Variants in NEK9 observed in about 807,000 individuals in gnomAD.
NEK9 encodes NIMA related kinase 9.
NEK9 carries 75 observed loss-of-function variants against 123.4 expected under a neutral mutation model. The ratio of observed to expected loss-of-function variants is 0.61; its 90% CI spans 0.50 to 0.74. NEK9 has a LOEUF of 0.74. NEK9 is among the 30% of genes least tolerant of loss of function. The probability of loss-of-function intolerance (pLI) is 0.00; values close to 1 mark genes in which losing one functional copy is unlikely to be tolerated. For synonymous variants in NEK9, 438 were observed against 458.7 expected, an observed-to-expected ratio of 0.95 and a Z score of 0.58; for missense variants, 952 against 1,214.4, an observed-to-expected ratio of 0.78 and a Z score of 3.21.
intron 18 of NEK9, among the ~76,000 whole-genome samples, chr14:75,094,279 T>C (rs1237049308): frequency 6.6e-6 from 1 of 152,260 alleles, no homozygotes; most frequent in Non-Finnish European, 1.5e-5. Flanking sequence ...CGATTGTTTA[T>C]GTATTTATTC....
intron 11 of NEK9, 147 bp downstream of exon 11, chr14:75,107,196 T>C: frequency 1.3e-6 from 1 of 757,632 alleles, no homozygotes; most frequent in Non-Finnish European, 2.0e-6. Context: ...AAATTTGGTA[T>C]GTTATTATTA....
In NEK9 at chr14:75,118,917, AT is replaced by A; in HGVS notation, c.542del (p.Asn181IlefsTer4). On this transcript the variant is annotated frameshift_variant, in exon 5 of 22. Coordinates refer to ENST00000238616, the MANE Select transcript of NEK9 (RefSeq NM_033116.6). LOFTEE classifies it high-confidence loss of function. Reference protein sequence around the residue: ...GILHRDIKTLNIFLTKANLIK... With the variant: ...GILHRDIKTLXIFLTKANLIK... ...TCAGGTTTGCCTTGGTCAGAAAAAT[AT>A]TTAATGTCTTTATATCTCTGAAAAA... is the stretch of plus-strand genomic sequence containing the variant. 6.3e-7 allele frequency: 1 copy of A among 1,577,212 alleles called. No homozygotes were observed. Among genetic ancestry groups the A allele is most frequent in the Non-Finnish European group, 8.7e-7 (1 of 1,147,310 alleles).
rs751656515 is a variant in NEK9, at chr14:75,101,033, C to T, written c.1961G>A (p.Arg654Lys). Residue 654 changes from arginine to lysine, a missense_variant, in exon 16 of 22, where the codon AGG becomes AAG. Arg to Lys is a conservative substitution (Grantham distance 26). Around this residue, in one of 4 missense-constraint regions of NEK9, gnomAD observed 698 missense variants for 875.6 expected, o/e 0.80. Coordinates refer to ENST00000238616, the MANE Select transcript of NEK9 (RefSeq NM_033116.6). ...GGPLGGKQVI[R>K]VSCGDEFTIA... Reference sequence around the variant, plus strand: ...GGTAAACTCATCACCGCAGGAGACCCTGATCACTTGCTTCCCACCAAGGGG... The same window carrying T: ...GGTAAACTCATCACCGCAGGAGACCTTGATCACTTGCTTCCCACCAAGGGG... 6.2e-7 allele frequency: 1 copy of T among 1,614,214 alleles called. No homozygotes were observed. Among genetic ancestry groups the T allele is most frequent in the Non-Finnish European group, 8.5e-7 (1 of 1,180,028 alleles).
intron 16 of NEK9, among the ~76,000 whole-genome samples, chr14:75,099,926 C>A (rs1391034065): frequency 6.6e-6 from 1 of 151,172 alleles, no homozygotes; most frequent in African/African-American, 2.4e-5. Flanking sequence ...GTCAGGAGTT[C>A]GAGACCAGCC....
At chr14:75,092,458 G>A (rs1294897699) in intron 18 of NEK9, among the ~76,000 whole-genome samples, 1 of 151,210 alleles carries the variant, frequency 6.6e-6, no homozygotes, top group African/African-American at 2.4e-5. Flanking sequence ...GTAAAGACAG[G>A]GTTTCACCAT....
intron 6 of NEK9, 147 bp from the exon 7 acceptor site, chr14:75,114,460 A>C (rs1258715992): frequency 1.6e-6 from 1 of 640,370 alleles, no homozygotes; most frequent in Non-Finnish European, 2.8e-6. Context: ...TATGCATCAA[A>C]AAAAAATGGT....
rs369498953 is a variant in NEK9 at position 75,091,252 on chromosome 14, T to C, written c.2442+18A>G. ...GGGCCACATATTTTATCCAAGTTAC[T>C]TCTTCCAAAGGAATTACCTTTCGAA... On this transcript the variant is annotated intron_variant, in intron 19 of 21. Coordinates refer to ENST00000238616, the MANE Select transcript of NEK9 (RefSeq NM_033116.6). 1.9e-6 allele frequency: 3 copies of C among 1,594,422 alleles called. No homozygotes were observed. Among genetic ancestry groups the C allele is most frequent in the African/African-American group, 1.4e-5 (1 of 73,834 alleles).
chr14:75,118,995 C>T (rs1017028848), intron 4 of NEK9, 60 bp from the exon 5 acceptor site: 40 of 950,042 alleles, frequency 4.2e-5, no homozygotes, highest in Middle Eastern at 2.1e-4. Context: ...TTTCATCCCC[C>T]GCCTTGCCCA....
intron 16 of NEK9, 38 bp downstream of exon 16, chr14:75,100,954 T>C (rs775837504): frequency 5.7e-6 from 9 of 1,586,530 alleles, no homozygotes; most frequent in Non-Finnish European, 7.7e-6. Context: ...AACACAGCCA[T>C]GTGTCCAGAA....
intron 16 of NEK9, among the ~76,000 whole-genome samples, chr14:75,097,509 TCAA>T (rs1205240506): frequency 6.6e-6 from 1 of 152,236 alleles, no homozygotes; most frequent in Non-Finnish European, 1.5e-5. Flanking sequence ...ACCTTTTTCT[TCAA>T]CAACTTTTTA....
intron 8 of NEK9, 64 bp from the exon 9 acceptor site, chr14:75,110,435 G>A (rs1478428997): frequency 1.6e-6 from 2 of 1,238,538 alleles, no homozygotes; most frequent in East Asian, 4.6e-5. Flanking sequence ...AAAGGTGTCT[G>A]TTTAATACAT....
chr14:75,089,337 C>G (rs1396456181), intron 19 of NEK9, among the ~76,000 whole-genome samples: 2 of 151,936 alleles, frequency 1.3e-5, no homozygotes, highest in Non-Finnish European at 2.9e-5. Context: ...AAGTGGTCCT[C>G]CTACTTCAGC....
At chr14:75,126,227 C>CA (rs1302861109) in intron 1 of NEK9, among the ~76,000 whole-genome samples, 1 of 152,030 alleles carries the variant, frequency 6.6e-6, no homozygotes. Flanking sequence ...AAGATAATGA[C>CA]AAAAATAACG....
rs773362980 is a variant in NEK9, at chr14:75,101,777, T to C, written c.1732-12A>G. 2 of 1,585,136 alleles carry C rather than the reference T, an allele frequency of 1.3e-6. No homozygotes were observed. The highest frequency in any genetic ancestry group is 1.7e-6 in the Non-Finnish European group (2 of 1,154,372). Reference sequence around the variant, plus strand: ...ACTTCATGGTATGCCTGAAACAAAATAAAACACAAAGCAGATGCATGAGGT... The same window carrying C: ...ACTTCATGGTATGCCTGAAACAAAACAAAACACAAAGCAGATGCATGAGGT... On this transcript the variant is annotated splice_polypyrimidine_tract_variant and intron_variant, in intron 14 of 21. Coordinates refer to ENST00000238616, the MANE Select transcript of NEK9 (RefSeq NM_033116.6).
intron 6 of NEK9, among the ~76,000 whole-genome samples, chr14:75,115,114 T>C (rs139101549): frequency 1.4e-4 from 21 of 147,294 alleles, no homozygotes; most frequent in Middle Eastern, 3.5e-3. Context: ...CGTGTGTGCG[T>C]ACACACACAC....
At chr14:75,085,201 C>T (rs1418127152) in intron 21 of NEK9, 1 of 154,678 alleles carries the variant, frequency 6.5e-6, no homozygotes, top group Admixed American at 6.3e-5. Context: ...GATGGGGTTT[C>T]ACCAGGTTGC....
In NEK9 at chr14:75,079,831, C is replaced by T. The variant is rs1893816619; in HGVS notation, c.*4733G>A. On this transcript the variant is annotated 3_prime_UTR_variant, in exon 22 of 22. Transcript: ENST00000238616. ...CTTCTTTACCTTATCTGCCTGGTAC[C>T]ACAGGCACTTGGATTTGGGATCGCT... is the stretch of plus-strand genomic sequence containing the variant. 1 of 152,136 alleles carries T rather than the reference C, an allele frequency of 6.6e-6. No homozygotes were observed. The highest frequency in any genetic ancestry group is 2.4e-5 in the African/African-American group (1 of 41,412). The allele number at this position is 152,136 out of a possible 1,614,324, so 9.4% of individuals were successfully genotyped here.
At chr14:75,086,833 G>C in intron 21 of NEK9, 185 bp downstream of exon 21, 1 of 574,660 alleles carries the variant, frequency 1.7e-6, no homozygotes, top group African/African-American at 1.9e-5. Context: ...TTGAATCCGG[G>C]AGGCGGAGGT....
chr14:75,109,146 G>A (rs1325879568), intron 10 of NEK9, among the ~76,000 whole-genome samples: 1 of 152,200 alleles, frequency 6.6e-6, no homozygotes, highest in Non-Finnish European at 1.5e-5. Context: ...TGAATGAAGA[G>A]AGAGTGGGAG....
Sources: allele counts gnomAD v4.1 joint callset (sites outside exome capture counted in the v4.1 genomes callset), GRCh38; gene constraint gnomAD v4.1.1; regional missense constraint gnomAD v4.1.1; transcripts MANE v1.5; gene names NCBI Gene and HGNC (gene_info 2026-07-23, HGNC 2026-07-21).